Variants in HSD17B4 observed in about 807,000 individuals in gnomAD.
HSD17B4 encodes the protein peroxisomal multifunctional enzyme type 2.
In HSD17B4, 70 loss-of-function variants were observed where a neutral mutation model predicts 101.0. The observed-to-expected ratio is 0.69, with a 90% CI of 0.57 to 0.85. HSD17B4 has a LOEUF of 0.85. Ranked by LOEUF, HSD17B4 falls within the 40% of genes least tolerant of loss-of-function variation. HSD17B4 has a pLI of 0.00. For synonymous variants in HSD17B4, 347 were observed against 297.1 expected, an observed-to-expected ratio of 1.17 and a Z score of -1.73; for missense variants, 984 against 892.4, an observed-to-expected ratio of 1.10 and a Z score of -1.31.
rs902910292 is a variant in HSD17B4, at chr5:119,542,260, G to A, written c.*266G>A. On this transcript the variant is annotated 3_prime_UTR_variant, in exon 24 of 24. Coordinates refer to ENST00000510025, the MANE Select transcript of HSD17B4 (RefSeq NM_000414.4). ...TAATAAAAAATTTTGCCCAAGTCCT[G>A]TTTCCTTAGAATTTGTGATAGCATT... 12 of 291,654 alleles carry A rather than the reference G, an allele frequency of 4.1e-5. No individual in the cohort carries two copies. The highest frequency in any genetic ancestry group is 1.9e-5 in the Non-Finnish European group (3 of 155,828). 18.1% of individuals were successfully genotyped at this position (291,654 alleles called of 1,614,324 possible). A position where few individuals can be genotyped will look rare whatever the true frequency, so the allele number is the denominator to read the frequency against.
At chr5:119,519,305 CAT>C (rs1752912746) in intron 17 of HSD17B4, among the ~76,000 whole-genome samples, 2 of 152,088 alleles carry the variant, frequency 1.3e-5, no homozygotes, top group African/African-American at 4.8e-5. Context: ...AACAAATATC[CAT>C]AGTTTCCCCA....
intron 16 of HSD17B4, among the ~76,000 whole-genome samples, chr5:119,513,582 CCATGTTGGCCAG>C (rs1752357510): frequency 6.6e-6 from 1 of 152,156 alleles, no homozygotes; most frequent in African/African-American, 2.4e-5. Flanking sequence ...CGGGGTTTCA[CCATGTTGGCCAG>C]GCTGGTCTCG....
Position 119,536,430 on chromosome 5 carries a change from C to T in HSD17B4, c.2001C>T (p.Asp667=). The change falls in exon 23 of 24, where the codon GAC becomes GAT. Residue 667 remains aspartate, a synonymous_variant. Coordinates refer to ENST00000510025, the MANE Select transcript of HSD17B4 (RefSeq NM_000414.4). ...TCTTCCTATTTTTCCCAGCTATTGA[C>T]CTGAAAAGTGGTTCTGGAAAAGTGT... ...GGNIGAKWTI[D]LKSGSGKVYQ... The T allele has an allele frequency of 6.2e-7, 1 of 1,612,076 alleles. No individual in the cohort carries two copies. Among genetic ancestry groups the T allele is most frequent in the Non-Finnish European group, 8.5e-7 (1 of 1,178,530 alleles).
chr5:119,482,215 G>A (rs1050252024), intron 8 of HSD17B4, among the ~76,000 whole-genome samples: 11 of 151,716 alleles, frequency 7.3e-5, no homozygotes, highest in Non-Finnish European at 7.4e-5. Flanking sequence ...TTGCGTTTCC[G>A]TGCAGGAAGT....
In HSD17B4 at chr5:119,531,342, A is replaced by G. The variant is rs1334153615; in HGVS notation, c.1931A>G (p.Lys644Arg). 1 of 1,613,728 alleles carries G rather than the reference A, an allele frequency of 6.2e-7. No homozygotes were observed. Among genetic ancestry groups the G allele is most frequent in the East Asian group, 2.2e-5 (1 of 44,870 alleles). Residue 644 changes from lysine (K) to arginine (R), a missense_variant, in exon 22 of 24, where the codon AAG (lysine) becomes AGG (arginine). Transcript: ENST00000510025. ...AAGGATATTGGGCCTGAGGTGGTGAAGAAAGTAAATGCTGTATTTGAGTGG... is the reference window on the plus strand; with the variant it reads ...AAGGATATTGGGCCTGAGGTGGTGAGGAAAGTAAATGCTGTATTTGAGTGG... ...RLKDIGPEVVKKVNAVFEWHI... is the reference protein window; with the variant it reads ...RLKDIGPEVVRKVNAVFEWHI...
chr5:119,473,838 CCACA>C (rs10601221), intron 2 of HSD17B4, 66 bp from the exon 3 acceptor site: 572 of 835,172 alleles, frequency 6.8e-4, no homozygotes, highest in Non-Finnish European at 8.9e-4. Context: ...ATTTCATTTT[CCACA>C]CACACACACA....
chr5:119,481,475 G>A (rs763072454), intron 8 of HSD17B4, among the ~76,000 whole-genome samples: 1 of 152,154 alleles, frequency 6.6e-6, no homozygotes, highest in Non-Finnish European at 1.5e-5. Context: ...TCTTGGAGAT[G>A]TTGCAGGTTT....
intron 2 of HSD17B4, chr5:119,456,671 C>A: frequency 2.4e-6 from 1 of 419,234 alleles, no homozygotes; most frequent in Non-Finnish European, 4.4e-6. Context: ...CGCTTGAGAC[C>A]AGGAGTTCGA....
intron 15 of HSD17B4, among the ~76,000 whole-genome samples, chr5:119,507,829 ATTAAAT>A (rs1309166268): frequency 1.3e-5 from 2 of 151,982 alleles, no homozygotes; most frequent in African/African-American, 2.4e-5. Flanking sequence ...AATTTTAAAA[ATTAAAT>A]TTAAATTTAA....
rs10524491 is a variant in HSD17B4, at chr5:119,462,248, A to ATTTTTTTTTTTTTTTTTTTTTTTTTTTT, written c.112+5888_112+5915dup. On this transcript the variant is annotated intron_variant, in intron 2 of 23. Transcript: ENST00000510025. ...TTCATATCCTCCCCCAACAAATGTG[A>ATTTTTTTTTTTTTTTTTTTTTTTTTTTT]TTTTTTTTTTTTTTTTTTTTTTTTT... Among the ~76,000 whole-genome samples the ATTTTTTTTTTTTTTTTTTTTTTTTTTTT allele has an allele frequency of 2.3e-4, 7 of 30,040 alleles. 2 individuals are homozygous for ATTTTTTTTTTTTTTTTTTTTTTTTTTTT. Among genetic ancestry groups the ATTTTTTTTTTTTTTTTTTTTTTTTTTTT allele is most frequent in the African/African-American group, 2.9e-4 (3 of 10,362 alleles). 19.7% of individuals were successfully genotyped at this position (30,040 alleles called of 152,430 possible).
intron 23 of HSD17B4, 142 bp from the exon 24 acceptor site, chr5:119,541,763 G>T (rs1011318370): frequency 7.3e-5 from 47 of 639,662 alleles, no homozygotes; most frequent in Non-Finnish European, 1.2e-4. Context: ...TTATTAAATT[G>T]TCATTGCTAA....
At chr5:119,520,213 C>CT (rs1405411643) in intron 17 of HSD17B4, among the ~76,000 whole-genome samples, 2 of 151,432 alleles carry the variant, frequency 1.3e-5, no homozygotes, top group Middle Eastern at 3.2e-3. Flanking sequence ...ACTGGGTGAT[C>CT]TTTCTGCTAC....
In HSD17B4 at chr5:119,525,186, G is replaced by A. The variant is rs768408982; in HGVS notation, c.1504-30G>A. The A allele has an allele frequency of 4.6e-6, 7 of 1,511,486 alleles. No individual in the cohort carries two copies. In the African/African-American group the frequency reaches 6.9e-5, roughly 15 times the overall value. The allele number at this position is 1,511,486 out of a possible 1,614,324, so 93.6% of individuals were successfully genotyped here. A position where few individuals can be genotyped will look rare whatever the true frequency, so the allele number is the denominator to read the frequency against. ...TTAATGTATTCTAACAAAACACTGAGTTCTAGTTATGTTTATGCTTTCTCC... is the reference window on the plus strand; with the variant it reads ...TTAATGTATTCTAACAAAACACTGAATTCTAGTTATGTTTATGCTTTCTCC... On this transcript the variant is annotated intron_variant, in intron 17 of 23. Coordinates refer to ENST00000510025, the MANE Select transcript of HSD17B4 (RefSeq NM_000414.4).
intron 2 of HSD17B4, among the ~76,000 whole-genome samples, chr5:119,457,810 G>T (rs1754823476): frequency 6.6e-6 from 1 of 152,058 alleles, no homozygotes; most frequent in South Asian, 2.1e-4. Flanking sequence ...ATTTCTTTGT[G>T]CAAAGAAGGT....
At chr5:119,489,788 A>G (rs1425145978) in intron 9 of HSD17B4, among the ~76,000 whole-genome samples, 1 of 152,216 alleles carries the variant, frequency 6.6e-6, no homozygotes, top group Non-Finnish European at 1.5e-5. Flanking sequence ...TGATAGGTCA[A>G]TAAATATAAC....
chr5:119,535,260 TA>T (rs138017396), intron 22 of HSD17B4, among the ~76,000 whole-genome samples: 15,538 of 152,082 alleles, frequency 0.1, 953 homozygotes, highest in South Asian at 0.16. Flanking sequence ...TGCAGTATGT[TA>T]GCTAATCTGC....
chr5:119,483,874 A>G (rs1195261579), intron 8 of HSD17B4, among the ~76,000 whole-genome samples: 1 of 152,146 alleles, frequency 6.6e-6, no homozygotes, highest in African/African-American at 2.4e-5. Context: ...CAACCAAACA[A>G]AATAACTTGC....
chr5:119,499,546 T>G lies in HSD17B4; in HGVS notation c.1202T>G (p.Phe401Cys). 2 of 1,599,250 alleles carry G rather than the reference T, an allele frequency of 1.3e-6. No individual in the cohort carries two copies. Among genetic ancestry groups the G allele is most frequent in the South Asian group, 2.2e-5 (2 of 90,738 alleles). Residue 401 changes from phenylalanine to cysteine, a missense_variant, in exon 13 of 24, where the codon TTT becomes TGT. Transcript: ENST00000510025. The part of the protein sequence containing the change: ...LAEIPGLSIN[F>C]AKVLHGEQYL... ...GAAATTCCTGGACTTTCAATCAACT[T>G]TGCAAAGGTATGCCTAATAAAAAAC...
At chr5:119,454,428 C>G (rs1250857750) in intron 1 of HSD17B4, among the ~76,000 whole-genome samples, 1 of 151,662 alleles carries the variant, frequency 6.6e-6, no homozygotes, top group Non-Finnish European at 1.5e-5. Flanking sequence ...GCATCAGCTT[C>G]CAGACTAGCT....
Sources: allele counts gnomAD v4.1 joint callset (sites outside exome capture counted in the v4.1 genomes callset), GRCh38; gene constraint gnomAD v4.1.1; transcripts MANE v1.5; gene names NCBI Gene and HGNC (gene_info 2026-07-23, HGNC 2026-07-21).